The following LYPD6 variants were observed in gnomAD, a reference collection of about 807,000 sequenced individuals.
LYPD6 encodes ly6/PLAUR domain-containing protein 6.
A neutral mutation model predicts 22.7 loss-of-function variants in LYPD6; 15 were observed. The observed-to-expected ratio is 0.66, with a 90% CI of 0.44 to 1.02. The LOEUF (loss-of-function observed/expected upper bound fraction) is 1.02, where lower values mean the gene tolerates loss of function less well. LYPD6 is among the 50% of genes least tolerant of loss of function. The pLI is 0.00. For missense variants in LYPD6, 189 were observed against 208.4 expected (o/e 0.91, Z 0.57); for synonymous variants, 72 against 77.5 (o/e 0.93, Z 0.37).
At chr2:149,357,325 A>C (rs1681467664) in intron 1 of LYPD6, among the ~76,000 whole-genome samples, 1 of 152,060 alleles carries the variant, frequency 6.6e-6, no homozygotes, top group Admixed American at 6.5e-5. Flanking sequence ...ATTGTCTTTT[A>C]GGATTGAGGG....
intron 1 of LYPD6, among the ~76,000 whole-genome samples, chr2:149,427,827 G>C (rs1186832581): frequency 1.3e-5 from 2 of 152,132 alleles, no homozygotes; most frequent in Non-Finnish European, 2.9e-5. Flanking sequence ...TATCCTCGTT[G>C]TTAAATGATG....
rs181189439 is a variant in LYPD6 at position 149,358,660 on chromosome 2, A to G, written c.-72+27938A>G. Among the ~76,000 whole-genome samples the G allele has an allele frequency of 1.1e-3, 175 of 152,198 alleles. 1 individual carries two copies. Among genetic ancestry groups the G allele is most frequent in the African/African-American group, 3.8e-3 (158 of 41,544 alleles). On this transcript the variant is annotated intron_variant, in intron 1 of 4. Coordinates refer to ENST00000334166, the MANE Select transcript of LYPD6 (RefSeq NM_194317.5). ...TAATCAGAGATGAATATGCAAATAT[A>G]TATATTTTCTAAATATATATATATA...
chr2:149,452,607 A>G (rs1183493789), intron 3 of LYPD6, among the ~76,000 whole-genome samples: 1 of 152,156 alleles, frequency 6.6e-6, no homozygotes, highest in Non-Finnish European at 1.5e-5. Context: ...ATGTGAAAAT[A>G]ATTTGTTGAA....
chr2:149,407,895 G>A (rs1419556758), intron 1 of LYPD6, among the ~76,000 whole-genome samples: 3 of 151,440 alleles, frequency 2.0e-5, no homozygotes, highest in Admixed American at 6.6e-5. Flanking sequence ...TGATGGTGAC[G>A]TACAGATGGG....
At chr2:149,388,104 A>G (rs925921392) in intron 1 of LYPD6, among the ~76,000 whole-genome samples, 3 of 151,970 alleles carry the variant, frequency 2.0e-5, no homozygotes, top group African/African-American at 4.8e-5. Context: ...GAAATATTCT[A>G]TGTCTTCTAA....
chr2:149,362,642 C>T (rs1681593008), intron 1 of LYPD6, among the ~76,000 whole-genome samples: 2 of 152,040 alleles, frequency 1.3e-5, no homozygotes, highest in South Asian at 4.2e-4. Flanking sequence ...CTGGCATCTG[C>T]TGGGGGCCTT....
rs951612504 is a variant in LYPD6 at position 149,470,904 on chromosome 2, C to G, written c.*54C>G. On this transcript the variant is annotated 3_prime_UTR_variant, in exon 5 of 5. Transcript: ENST00000334166. ...GATCCATGGGGATCTCGATGGTCCA[C>G]AGACCTGCATGAGTCATTGGCCTGA... 11 of 1,519,566 alleles carry G rather than the reference C, an allele frequency of 7.2e-6. No individual in the cohort carries two copies. The African/African-American group carries it at 1.4e-4, about 19-fold the overall frequency. The allele number at this position is 1,519,566 out of a possible 1,614,324, so 94.1% of individuals were successfully genotyped here.
intron 1 of LYPD6, among the ~76,000 whole-genome samples, chr2:149,381,790 T>C (rs967670171): frequency 2.6e-5 from 4 of 152,198 alleles, no homozygotes; most frequent in Non-Finnish European, 4.4e-5. Context: ...GGCAGAGAGT[T>C]GGGTGTTCTA....
intron 1 of LYPD6, among the ~76,000 whole-genome samples, chr2:149,424,152 C>T (rs1350780337): frequency 1.3e-5 from 2 of 152,098 alleles, no homozygotes; most frequent in Non-Finnish European, 2.9e-5. Flanking sequence ...ACACACACAT[C>T]CCTCTGTTAT....
At chr2:149,483,958 C>G in the LYPD6 span, among the ~76,000 whole-genome samples, 300 of 152,262 alleles carry the variant, frequency 2.0e-3, 2 homozygotes, top group African/African-American at 6.6e-3. Context: ...GGCTAGGTCT[C>G]AAGTCATGGT....
the LYPD6 span, among the ~76,000 whole-genome samples, chr2:149,485,902 C>T: frequency 5.3e-5 from 8 of 152,234 alleles, no homozygotes; most frequent in East Asian, 7.7e-4. Flanking sequence ...CACCTAATCC[C>T]GCCAGACCTC....
intron 1 of LYPD6, among the ~76,000 whole-genome samples, chr2:149,399,994 CCCT>C (rs1341810601): frequency 6.6e-6 from 1 of 152,164 alleles, no homozygotes; most frequent in Non-Finnish European, 1.5e-5. Flanking sequence ...GTCCACAAAA[CCCT>C]CCAGCTGACA....
chr2:149,345,932 G>T (rs1681248060), intron 1 of LYPD6, among the ~76,000 whole-genome samples: 1 of 152,030 alleles, frequency 6.6e-6, no homozygotes, highest in African/African-American at 2.4e-5. Context: ...TCCAGTTTTT[G>T]AATTAAACTC....
intron 2 of LYPD6, among the ~76,000 whole-genome samples, chr2:149,439,136 G>A (rs1683499942): frequency 6.6e-6 from 1 of 152,016 alleles, no homozygotes; most frequent in Non-Finnish European, 1.5e-5. Context: ...TTTTATTATC[G>A]TTGGCTTAGT....
intron 1 of LYPD6, among the ~76,000 whole-genome samples, chr2:149,347,436 C>A (rs1681279049): frequency 6.6e-6 from 1 of 152,090 alleles, no homozygotes; most frequent in South Asian, 2.1e-4. Context: ...TGGCGTTCCC[C>A]CTATTTTCCC....
At chr2:149,361,791 GT>G (rs1681575970) in intron 1 of LYPD6, among the ~76,000 whole-genome samples, 1 of 152,136 alleles carries the variant, frequency 6.6e-6, no homozygotes, top group South Asian at 2.1e-4. Context: ...CTGTCAGTAT[GT>G]TACCTTACAT....
chr2:149,484,081 C>A, the LYPD6 span, among the ~76,000 whole-genome samples: 4 of 152,296 alleles, frequency 2.6e-5, no homozygotes, highest in East Asian at 1.9e-4. Flanking sequence ...TTACAACAAA[C>A]GTTAATAGAT....
chr2:149,357,676 T>C (rs1256618327), intron 1 of LYPD6, among the ~76,000 whole-genome samples: 4 of 152,194 alleles, frequency 2.6e-5, no homozygotes, highest in African/African-American at 4.8e-5. Flanking sequence ...GTAGAATAAA[T>C]ACAATTTTAA....
chr2:149,445,080 T>C (rs1227564195), intron 2 of LYPD6, among the ~76,000 whole-genome samples: 1 of 152,222 alleles, frequency 6.6e-6, no homozygotes, highest in African/African-American at 2.4e-5. Context: ...TTCCCAGGCA[T>C]GAAAACGACA....
Sources: gnomAD v4.1 joint callset for allele counts (sites outside exome capture counted in the v4.1 genomes callset) on GRCh38, gnomAD v4.1.1 for gene constraint, MANE v1.5 for transcripts, NCBI Gene and HGNC (gene_info 2026-07-23, HGNC 2026-07-21) for gene names.